Variants in C1orf198 observed in about 807,000 individuals in gnomAD.
C1orf198 encodes uncharacterized protein C1orf198.
C1orf198 carries 17 observed loss-of-function variants against 31.4 expected under a neutral mutation model. The observed-to-expected ratio is 0.54, with a 90% CI of 0.37 to 0.81. C1orf198 has a LOEUF of 0.81. C1orf198 is among the 40% of genes least tolerant of loss of function. The pLI, the probability that C1orf198 is intolerant of heterozygous loss-of-function variation, is 0.00. For synonymous variants in C1orf198, 175 were observed against 193.8 expected (o/e 0.90, Z 0.81); for missense variants, 401 against 450.3 (o/e 0.89, Z 0.99).
intron 2 of C1orf198, among the ~76,000 whole-genome samples, chr1:230,846,630 C>T (rs1213306259): frequency 2.0e-5 from 3 of 152,234 alleles, no homozygotes; most frequent in Non-Finnish European, 4.4e-5. Flanking sequence ...AAGTTTAAAA[C>T]GCACGCCTAG....
chr1:230,857,338 C>T lies in C1orf198; in HGVS notation c.334-1620G>A, dbSNP rs74143507. On this transcript the variant is annotated intron_variant, in intron 1 of 3. Transcript: ENST00000366663. The surrounding 1 kb of genome is among the most constrained non-coding windows in gnomAD (Gnocchi z 4.2). Reference sequence around the variant, plus strand: ...AGACTCAGCGACTGCCCGTAGCGGACGCTTACTCACTCTTTGAGAATATGT... The same window carrying T: ...AGACTCAGCGACTGCCCGTAGCGGATGCTTACTCACTCTTTGAGAATATGT... Among the ~76,000 whole-genome samples, 486 of 152,318 alleles carry T rather than the reference C, an allele frequency of 3.2e-3. 1 individual carries two copies. Among genetic ancestry groups the T allele is most frequent in the African/African-American group, 0.011 (455 of 41,558 alleles).
In C1orf198 at chr1:230,843,550, CT is replaced by C; in HGVS notation, c.730del (p.Arg244GlyfsTer15). 3 of 1,613,642 alleles carry C rather than the reference CT, an allele frequency of 1.9e-6. No homozygotes were observed. Among genetic ancestry groups the C allele is most frequent in the Non-Finnish European group, 2.5e-6 (3 of 1,179,706 alleles). On this transcript the variant is annotated frameshift_variant, in exon 3 of 4. Transcript: ENST00000366663. LOFTEE classifies it high-confidence loss of function. This position sits in a 1 kb window ranked among gnomAD's most constrained non-coding sequence, Gnocchi z 4.9. Reference protein sequence around the residue: ...APKDREAKVERPSTLRQEQRP... With the variant: ...APKDREAKVEXPSTLRQEQRP... The stretch of plus-strand genomic sequence containing the variant: ...CTGCTCCTGACGGAGGGTGCTGGGC[CT>C]TTCCACCTTGGCCTCCCTGTCCTTC...
At chr1:230,845,236 G>T (rs1473672785) in intron 2 of C1orf198, among the ~76,000 whole-genome samples, 3 of 143,798 alleles carry the variant, frequency 2.1e-5, no homozygotes, top group South Asian at 2.3e-4. Flanking sequence ...AAAAAAAAAG[G>T]CCAGGCATGA....
At chr1:230,845,606 C>G (rs1345644724) in intron 2 of C1orf198, among the ~76,000 whole-genome samples, 1 of 151,940 alleles carries the variant, frequency 6.6e-6, no homozygotes. Flanking sequence ...TCGCTTGAAC[C>G]CGGGAAGTGG....
intron 2 of C1orf198, among the ~76,000 whole-genome samples, chr1:230,846,515 C>T (rs957205075): frequency 7.2e-5 from 11 of 152,350 alleles, no homozygotes; most frequent in South Asian, 2.1e-4. Context: ...ACATAGAGAG[C>T]GGCACATGCT....
At chr1:230,864,675 G>A (rs1572141003) in intron 1 of C1orf198, among the ~76,000 whole-genome samples, 1 of 152,286 alleles carries the variant, frequency 6.6e-6, no homozygotes, top group East Asian at 1.9e-4. Flanking sequence ...GAAGAGGCAA[G>A]TAGGTCCACG....
At chr1:230,866,501 C>T (rs1051694286) in intron 1 of C1orf198, among the ~76,000 whole-genome samples, 3 of 152,146 alleles carry the variant, frequency 2.0e-5, no homozygotes, top group African/African-American at 7.2e-5. Flanking sequence ...CAGTCTGGCA[C>T]CAGATGAGGA....
At chr1:230,851,100 C>T (rs568499223) in intron 2 of C1orf198, among the ~76,000 whole-genome samples, 2 of 152,252 alleles carry the variant, frequency 1.3e-5, no homozygotes, top group African/African-American at 4.8e-5. Flanking sequence ...CTCATAAATG[C>T]TTATGTATCT....
At chr1:230,841,464 TA>T (rs1226908377) in intron 3 of C1orf198, among the ~76,000 whole-genome samples, 1 of 152,068 alleles carries the variant, frequency 6.6e-6, no homozygotes, top group Non-Finnish European at 1.5e-5. Context: ...ACCAAAAATT[TA>T]AAAATGGGCA....
rs138079761 is a variant in C1orf198 at position 230,854,522 on chromosome 1, G to A, written c.384+1146C>T. On this transcript the variant is annotated intron_variant, in intron 2 of 3. Transcript: ENST00000366663. ...CTGGTCACCCCTGCAACCCGTACCCGATCCCTAGGGAGACTACATTAATGC... is the reference window on the plus strand; with the variant it reads ...CTGGTCACCCCTGCAACCCGTACCCAATCCCTAGGGAGACTACATTAATGC... 3.9e-3 allele frequency among the ~76,000 whole-genome samples: 598 copies of A among 152,176 alleles called. 4 individuals carry two copies. The highest frequency in any genetic ancestry group is 5.7e-3 in the Non-Finnish European group (390 of 68,010).
chr1:230,849,497 G>A (rs1388758900), intron 2 of C1orf198, among the ~76,000 whole-genome samples: 2 of 152,140 alleles, frequency 1.3e-5, no homozygotes, highest in East Asian at 1.9e-4. Context: ...AAGTGCCCAC[G>A]GAGGCTCTGC....
intron 3 of C1orf198, among the ~76,000 whole-genome samples, chr1:230,842,816 G>A (rs764054901): frequency 3.7e-4 from 56 of 152,106 alleles, no homozygotes; most frequent in Non-Finnish European, 6.6e-4. Flanking sequence ...GGATGGGTGA[G>A]GCTACCATGG....
At chr1:230,867,433 G>C (rs1670144940) in intron 1 of C1orf198, among the ~76,000 whole-genome samples, 1 of 152,166 alleles carries the variant, frequency 6.6e-6, no homozygotes, top group Non-Finnish European at 1.5e-5. Flanking sequence ...ACAGTGTCTA[G>C]ATCTGAGACC....
At chr1:230,860,396 T>C (rs1357039376) in intron 1 of C1orf198, among the ~76,000 whole-genome samples, 1 of 152,150 alleles carries the variant, frequency 6.6e-6, no homozygotes, top group African/African-American at 2.4e-5. Flanking sequence ...GGCTCAGAGA[T>C]CCTTATACCC....
chr1:230,864,797 G>A (rs971827875), intron 1 of C1orf198, among the ~76,000 whole-genome samples: 15 of 152,182 alleles, frequency 9.9e-5, no homozygotes, highest in African/African-American at 3.6e-4. Flanking sequence ...CATGTACTCA[G>A]ATCTTGCTAG....
At position 230,868,498 on chromosome 1, in the gene C1orf198, C is replaced by A. The variant is rs758914873; in HGVS notation, c.15G>T (p.Ala5=). 6.9e-7 allele frequency: 1 copy of A among 1,443,512 alleles called. No individual in the cohort carries two copies. Among genetic ancestry groups the A allele is most frequent in the South Asian group, 1.4e-5 (1 of 72,080 alleles). The allele number at this position is 1,443,512 out of a possible 1,614,324, so 89.4% of individuals were successfully genotyped here. MASM[A]AAIAASRSAV... ...CCGAGCGCGAAGCCGCGATCGCCGC[C>A]GCCATGGACGCCATGCCCGGCCTGC... The change falls in exon 1 of 4, where the codon GCG becomes GCT. Residue 5 remains alanine, a synonymous_variant. Coordinates refer to ENST00000366663, the MANE Select transcript of C1orf198 (RefSeq NM_032800.3).
At chr1:230,841,832 C>T (rs926174470) in intron 3 of C1orf198, among the ~76,000 whole-genome samples, 4 of 152,194 alleles carry the variant, frequency 2.6e-5, no homozygotes, top group African/African-American at 4.8e-5. Context: ...TGTACATACA[C>T]GTTCACAGCA....
At chr1:230,847,829 G>C (rs1669636105) in intron 2 of C1orf198, among the ~76,000 whole-genome samples, 1 of 152,218 alleles carries the variant, frequency 6.6e-6, no homozygotes, top group South Asian at 2.1e-4. Flanking sequence ...GGAAATTGTA[G>C]TGTAAGGAAG....
At chr1:230,868,587 C>T (rs1191678792), upstream of C1orf198, 1 of 1,074,796 alleles carries the variant, frequency 9.3e-7, no homozygotes, top group African/African-American at 1.7e-5. Flanking sequence ...CCGCGCCACC[C>T]GGAGCCCCGC....
Sources: gnomAD v4.1 joint callset for allele counts (sites outside exome capture counted in the v4.1 genomes callset) on GRCh38, gnomAD v4.1.1 for gene constraint, Gnocchi (gnomAD v3.1) non-coding constraint, MANE v1.5 for transcripts, NCBI Gene and HGNC (gene_info 2026-07-23, HGNC 2026-07-21) for gene names.